Variants in ANKFN1 observed in about 807,000 individuals in gnomAD.
The protein encoded by ANKFN1 is ankyrin repeat and fibronectin type III domain containing 1.
Under a neutral mutation model 108.7 loss-of-function variants are expected in ANKFN1, and 74 were observed. That is an observed-to-expected ratio of 0.68 (90% CI 0.56 to 0.83). ANKFN1 has a LOEUF of 0.83. Ranked by LOEUF, ANKFN1 falls within the 40% of genes least tolerant of loss-of-function variation. The pLI is 0.00. For synonymous variants in ANKFN1, 547 were observed against 516.2 expected, an observed-to-expected ratio of 1.06 and a Z score of -0.81; for missense variants, 1,505 against 1,382.3, an observed-to-expected ratio of 1.09 and a Z score of -1.41.
chr17:56,220,929 A>G (rs956228982), intron 2 of ANKFN1, among the ~76,000 whole-genome samples: 1 of 151,232 alleles, frequency 6.6e-6, no homozygotes, highest in Non-Finnish European at 1.5e-5. Flanking sequence ...GGAGGAACGA[A>G]CGAACGAAAG....
chr17:56,150,942 G>A (rs1908566260), upstream of ANKFN1, among the ~76,000 whole-genome samples: 1 of 152,322 alleles, frequency 6.6e-6, no homozygotes, highest in South Asian at 2.1e-4. Flanking sequence ...GGACACCGGG[G>A]AAGTGAATAG....
At chr17:56,288,183 C>G (rs1424897867) in intron 3 of ANKFN1, among the ~76,000 whole-genome samples, 1 of 152,074 alleles carries the variant, frequency 6.6e-6, no homozygotes, top group Non-Finnish European at 1.5e-5. Flanking sequence ...ACAGAAAAGT[C>G]TCTCTCCTAT....
At chr17:56,270,360 G>C (rs1472831636) in intron 3 of ANKFN1, among the ~76,000 whole-genome samples, 1 of 152,240 alleles carries the variant, frequency 6.6e-6, no homozygotes, top group Non-Finnish European at 1.5e-5. Context: ...AGACTTGAGG[G>C]AAAGGGTTTT....
At chr17:56,466,772 C>T (rs1458018774) in intron 15 of ANKFN1, among the ~76,000 whole-genome samples, 1 of 152,108 alleles carries the variant, frequency 6.6e-6, no homozygotes, top group African/African-American at 2.4e-5. Flanking sequence ...AAATAGTGGG[C>T]ACCTAATAAA....
intron 6 of ANKFN1, among the ~76,000 whole-genome samples, chr17:56,369,035 G>A (rs1358801659): frequency 1.3e-5 from 2 of 152,186 alleles, no homozygotes; most frequent in African/African-American, 2.4e-5. Flanking sequence ...GGGAATGGAA[G>A]GAATGCTCAG....
intron 19 of ANKFN1, among the ~76,000 whole-genome samples, chr17:56,497,903 G>A (rs768370858): frequency 2.6e-5 from 4 of 152,040 alleles, no homozygotes; most frequent in Non-Finnish European, 5.9e-5. Flanking sequence ...GAAAAAATAT[G>A]TTTAACCAAC....
At chr17:56,398,088 C>G (rs1364284217) in intron 8 of ANKFN1, among the ~76,000 whole-genome samples, 1 of 152,126 alleles carries the variant, frequency 6.6e-6, no homozygotes, top group Admixed American at 6.6e-5. Context: ...CCTTTTCCCA[C>G]TTTGTAATTT....
chr17:56,426,623 G>A (rs900982713), intron 8 of ANKFN1, among the ~76,000 whole-genome samples: 4 of 152,210 alleles, frequency 2.6e-5, no homozygotes, highest in African/African-American at 9.6e-5. Context: ...GATAACTACA[G>A]CACTTTCCCA....
intron 3 of ANKFN1, among the ~76,000 whole-genome samples, chr17:56,302,725 A>G (rs1010333521): frequency 6.6e-6 from 1 of 152,178 alleles, no homozygotes; most frequent in African/African-American, 2.4e-5. Context: ...ATATTTCTAT[A>G]TTTTCTACGC....
At chr17:56,079,901 A>G (rs912964964) in intron 4 of ANKFN1, among the ~76,000 whole-genome samples, 5 of 152,224 alleles carry the variant, frequency 3.3e-5, no homozygotes, top group Non-Finnish European at 7.3e-5. Context: ...TAAAAGACAC[A>G]TAAGAGGGCA....
At chr17:56,277,605 G>T (rs1052507991) in intron 3 of ANKFN1, among the ~76,000 whole-genome samples, 1 of 151,998 alleles carries the variant, frequency 6.6e-6, no homozygotes, top group Non-Finnish European at 1.5e-5. Flanking sequence ...TAAAAAACTG[G>T]TGTACAAAGT....
chr17:56,051,826 C>G (rs1408780113), intron 4 of ANKFN1, among the ~76,000 whole-genome samples: 1 of 151,354 alleles, frequency 6.6e-6, no homozygotes, highest in South Asian at 2.1e-4. Flanking sequence ...ACAATTGCTT[C>G]AAAGAGAATA....
intron 3 of ANKFN1, among the ~76,000 whole-genome samples, chr17:56,324,195 G>A (rs2045452055): frequency 1.3e-5 from 2 of 152,192 alleles, no homozygotes; most frequent in South Asian, 4.1e-4. Context: ...TAGAGAGATA[G>A]GAAGAGCCAG....
rs946265536 is a variant in ANKFN1, at chr17:56,497,141, G to A, written c.2428-1741G>A. 1.4e-4 allele frequency among the ~76,000 whole-genome samples: 21 copies of A among 152,104 alleles called. No homozygotes were observed. The East Asian group carries it at 3.9e-3, about 28-fold the overall frequency. On this transcript the variant is annotated intron_variant, in intron 19 of 20. Transcript: ENST00000682825. ...CTTTCAACAAGCTTATGTTGCATGA[G>A]GTAGGGCCAGTAAAAGCCAGCTGAG...
At chr17:56,306,093 C>T (rs2044815650) in intron 3 of ANKFN1, among the ~76,000 whole-genome samples, 1 of 152,152 alleles carries the variant, frequency 6.6e-6, no homozygotes. Flanking sequence ...TAACCTTATT[C>T]CTCCCAATTT....
intron 4 of ANKFN1, among the ~76,000 whole-genome samples, chr17:56,050,948 T>A: frequency 7.3e-6 from 1 of 137,548 alleles, no homozygotes; most frequent in Admixed American, 7.5e-5. Context: ...CCAAAAAGAG[T>A]CCAGGACCAG....
At chr17:56,202,076 C>A (rs1914112336) in intron 1 of ANKFN1, among the ~76,000 whole-genome samples, 2 of 152,310 alleles carry the variant, frequency 1.3e-5, no homozygotes, top group South Asian at 4.1e-4. Context: ...GTCCTTTAAT[C>A]TTTTCCAACC....
intron 4 of ANKFN1, among the ~76,000 whole-genome samples, 199 bp downstream of exon 4, chr17:56,326,554 C>A (rs1311016014): frequency 2.0e-5 from 3 of 152,174 alleles, no homozygotes; most frequent in Non-Finnish European, 4.4e-5. Flanking sequence ...ACATACACGT[C>A]CCTGTGGAGA....
rs200807343 is a variant in ANKFN1, at chr17:56,128,235, T to C, written c.288+81910T>C. On this transcript the variant is annotated intron_variant, in intron 4 of 12. Coordinates refer to the ANKFN1 transcript ENST00000635860. ...CCTCCCTCCTGGAAGCCAATAGCCC[T>C]TTTTTTTTTTTTCCTGGGAGGTGCT... Among the ~76,000 whole-genome samples, 12 of 50,308 alleles carry C rather than the reference T, an allele frequency of 2.4e-4. 1 individual carries two copies. Among genetic ancestry groups the C allele is most frequent in the Admixed American group, 9.3e-4 (6 of 6,450 alleles). The allele number at this position is 50,308 out of a possible 152,430, so 33.0% of individuals were successfully genotyped here.
Sources: gnomAD v4.1 joint callset for allele counts (sites outside exome capture counted in the v4.1 genomes callset) on GRCh38, gnomAD v4.1.1 for gene constraint, MANE v1.5 for transcripts, NCBI Gene and HGNC (gene_info 2026-07-23, HGNC 2026-07-21) for gene names.